The following KATNAL1 variants were observed in gnomAD, a reference collection of about 807,000 sequenced individuals.
KATNAL1 encodes katanin p60 ATPase-containing subunit A-like 1.
KATNAL1 carries 32 observed loss-of-function variants against 55.2 expected under a neutral mutation model. The observed-to-expected ratio is 0.58, with a 90% CI of 0.44 to 0.78. The LOEUF (loss-of-function observed/expected upper bound fraction) is 0.78, where lower values mean the gene tolerates loss of function less well. Among genes scored for constraint, KATNAL1 ranks in the 30% least tolerant of loss-of-function variants. The pLI, the probability that KATNAL1 is intolerant of heterozygous loss-of-function variation, is 0.00. For missense variants in KATNAL1, 466 were observed against 600.9 expected (o/e 0.78, Z 2.35); for synonymous variants, 193 against 193.6 (o/e 1.00, Z 0.02).
chr13:30,248,991 G>A (rs846485), intron 4 of KATNAL1, among the ~76,000 whole-genome samples: 22 of 152,130 alleles, frequency 1.4e-4, no homozygotes, highest in Admixed American at 4.6e-4. Context: ...CGCAGGAGGC[G>A]GAGCTTGCAG....
At chr13:30,289,509 T>C (rs774647135) in intron 1 of KATNAL1, among the ~76,000 whole-genome samples, 4 of 152,218 alleles carry the variant, frequency 2.6e-5, no homozygotes, top group Non-Finnish European at 4.4e-5. Context: ...GAATAAGATA[T>C]TCCTTTTTAT....
intron 3 of KATNAL1, among the ~76,000 whole-genome samples, chr13:30,268,425 T>C (rs760482446): frequency 9.9e-5 from 15 of 152,192 alleles, no homozygotes; most frequent in Admixed American, 4.6e-4. Flanking sequence ...GAGCAAAAGA[T>C]GCACAAGTCT....
At chr13:30,259,141 A>G (rs985581858) in intron 3 of KATNAL1, among the ~76,000 whole-genome samples, 1 of 152,188 alleles carries the variant, frequency 6.6e-6, no homozygotes, top group Non-Finnish European at 1.5e-5. Flanking sequence ...GGAGTTCCAG[A>G]CCAGCCATGC....
At chr13:30,280,726 T>C (rs989348942) in intron 2 of KATNAL1, among the ~76,000 whole-genome samples, 1 of 152,206 alleles carries the variant, frequency 6.6e-6, no homozygotes. Flanking sequence ...AGTTTTTATT[T>C]AAATTCTCCT....
intron 1 of KATNAL1, among the ~76,000 whole-genome samples, chr13:30,303,960 C>G (rs565746131): frequency 6.6e-6 from 1 of 152,316 alleles, no homozygotes; most frequent in East Asian, 1.9e-4. Flanking sequence ...TCCTGCCACA[C>G]TGTTAGTAAG....
intron 9 of KATNAL1, among the ~76,000 whole-genome samples, chr13:30,224,637 A>C (rs1160390505): frequency 6.6e-6 from 1 of 152,176 alleles, no homozygotes; most frequent in Non-Finnish European, 1.5e-5. Context: ...GCAAAAAAAA[A>C]ATTTTTTTAA....
chr13:30,293,700 C>A (rs1311200604), intron 1 of KATNAL1, among the ~76,000 whole-genome samples: 2 of 152,160 alleles, frequency 1.3e-5, no homozygotes, highest in East Asian at 3.9e-4. Flanking sequence ...CCAACTCTCA[C>A]CATGCACTCT....
At chr13:30,298,401 A>G (rs1034163300) in intron 1 of KATNAL1, among the ~76,000 whole-genome samples, 3 of 152,192 alleles carry the variant, frequency 2.0e-5, no homozygotes, top group African/African-American at 7.2e-5. Flanking sequence ...TTGTTTATTC[A>G]CTCATCAGTT....
At chr13:30,307,285 C>G (rs1883244574) in intron 1 of KATNAL1, 46 bp downstream of exon 1, 1 of 152,624 alleles carries the variant, frequency 6.6e-6, no homozygotes. Context: ...TAGAGCCCTC[C>G]ACCACCTGCT....
chr13:30,277,755 G>A lies in KATNAL1; in HGVS notation c.323+2308C>T, dbSNP rs1029981278. 4.0e-4 allele frequency among the ~76,000 whole-genome samples: 61 copies of A among 151,832 alleles called. 1 individual carries two copies. Among genetic ancestry groups the A allele is most frequent in the Admixed American group, 3.3e-3 (50 of 15,264 alleles). Reference sequence around the variant, plus strand: ...TCCCAGCACTTTGGGAGGCCGAGGCGGGCGGATCACGAGGTCAGGAGATCG... The same window carrying A: ...TCCCAGCACTTTGGGAGGCCGAGGCAGGCGGATCACGAGGTCAGGAGATCG... On this transcript the variant is annotated intron_variant, in intron 3 of 10. Coordinates refer to ENST00000380615, the MANE Select transcript of KATNAL1 (RefSeq NM_032116.5).
chr13:30,273,183 A>G (rs1422998332), intron 3 of KATNAL1, among the ~76,000 whole-genome samples: 2 of 151,986 alleles, frequency 1.3e-5, no homozygotes, highest in African/African-American at 4.8e-5. Flanking sequence ...AAAACAACAA[A>G]CCTCAACTAC....
chr13:30,263,094 T>A (rs1377587484), intron 3 of KATNAL1, among the ~76,000 whole-genome samples: 1 of 152,182 alleles, frequency 6.6e-6, no homozygotes, highest in Non-Finnish European at 1.5e-5. Flanking sequence ...TAATCCAGCA[T>A]ATAAACAGAA....
intron 4 of KATNAL1, among the ~76,000 whole-genome samples, chr13:30,254,848 T>C (rs1425515549): frequency 1.3e-5 from 2 of 152,212 alleles, no homozygotes; most frequent in African/African-American, 2.4e-5. Context: ...CCTTAATCTG[T>C]AAGATTATCT....
chr13:30,291,908 G>A (rs1426631011), intron 1 of KATNAL1, among the ~76,000 whole-genome samples: 1 of 152,062 alleles, frequency 6.6e-6, no homozygotes, highest in Non-Finnish European at 1.5e-5. Flanking sequence ...GGTGGGGCAT[G>A]CCTGTAATCC....
intron 3 of KATNAL1, among the ~76,000 whole-genome samples, chr13:30,259,421 C>T (rs376396232): frequency 1.3e-5 from 2 of 152,184 alleles, no homozygotes; most frequent in South Asian, 4.1e-4. Context: ...GTGTGAGCGA[C>T]GCAAAAGACC....
chr13:30,304,677 A>G (rs1883073715), intron 1 of KATNAL1, among the ~76,000 whole-genome samples: 1 of 152,052 alleles, frequency 6.6e-6, no homozygotes, highest in East Asian at 1.9e-4. Flanking sequence ...TTAATTACTT[A>G]TCTATATGCA....
At chr13:30,241,968 C>T (rs560587648) in intron 4 of KATNAL1, among the ~76,000 whole-genome samples, 35 of 152,112 alleles carry the variant, frequency 2.3e-4, no homozygotes, top group African/African-American at 7.2e-4. Flanking sequence ...TAAATTTTCC[C>T]GAAGATTCTT....
chr13:30,229,594 TGTG>T (rs1321943155), intron 8 of KATNAL1, among the ~76,000 whole-genome samples: 1 of 152,170 alleles, frequency 6.6e-6, no homozygotes, highest in African/African-American at 2.4e-5. Context: ...GGCATGTGCC[TGTG>T]GTCCCAGCTA....
chr13:30,287,691 A>AT (rs1881881967), intron 1 of KATNAL1, among the ~76,000 whole-genome samples: 1 of 152,240 alleles, frequency 6.6e-6, no homozygotes, highest in South Asian at 2.1e-4. Context: ...TATAATGAAT[A>AT]ATATGTAATT....
Sources: allele counts gnomAD v4.1 joint callset (sites outside exome capture counted in the v4.1 genomes callset), GRCh38; gene constraint gnomAD v4.1.1; transcripts MANE v1.5; gene names NCBI Gene and HGNC (gene_info 2026-07-23, HGNC 2026-07-21).